The following TEX14 variants were observed in gnomAD, a reference collection of about 807,000 sequenced individuals.
TEX14 encodes testis expressed 14, intercellular bridge forming factor, also known as inactive serine/threonine-protein kinase TEX14.
TEX14 carries 168 observed loss-of-function variants against 178.6 expected under a neutral mutation model. The observed-to-expected ratio is 0.94, with a 90% CI of 0.83 to 1.07. The LOEUF (loss-of-function observed/expected upper bound fraction) is 1.07, where lower values mean the gene tolerates loss of function less well. Among genes scored for constraint, TEX14 ranks in the 50% least tolerant of loss-of-function variants. TEX14 has a pLI of 0.00. For missense variants in TEX14, 1,730 were observed against 1,753.6 expected, an observed-to-expected ratio of 0.99 and a Z score of 0.24; for synonymous variants, 626 against 634.1, an observed-to-expected ratio of 0.99 and a Z score of 0.19.
intron 30 of TEX14, 95 bp from the exon 31 acceptor site, chr17:58,557,945 T>C (rs1215914628): frequency 2.2e-6 from 2 of 892,964 alleles, no homozygotes; most frequent in East Asian, 2.5e-5. Context: ...TAATTTAGAG[T>C]AGACTGTTTT....
At chr17:58,558,117 T>C (rs1282169270) in intron 30 of TEX14, among the ~76,000 whole-genome samples, 1 of 152,202 alleles carries the variant, frequency 6.6e-6, no homozygotes, top group African/African-American at 2.4e-5. Flanking sequence ...TCAATACTAT[T>C]AATAGCTAAA....
rs548145767 is a variant in TEX14 at position 58,609,651 on chromosome 17, C to T, written c.1184+1510G>A. Among the ~76,000 whole-genome samples, 10 of 152,308 alleles carry T rather than the reference C, an allele frequency of 6.6e-5. No individual in the cohort carries two copies. In the South Asian group the frequency reaches 2.1e-3, roughly 32 times the overall value. Reference sequence around the variant, plus strand: ...TTCTTAAGATAAAATTCAGACTCCTCACCAGGGCCCACAAGGCCAAGCACA... The same window carrying T: ...TTCTTAAGATAAAATTCAGACTCCTTACCAGGGCCCACAAGGCCAAGCACA... On this transcript the variant is annotated intron_variant, in intron 10 of 31. Transcript: ENST00000349033.
At chr17:58,567,785 G>A (rs909066267) in intron 26 of TEX14, 2 of 152,188 alleles carry the variant, frequency 1.3e-5, no homozygotes, top group Non-Finnish European at 2.9e-5. Flanking sequence ...ATTCCCATAA[G>A]TGAAATGAGG....
At chr17:58,566,257 C>T (rs1182443591) in intron 26 of TEX14, among the ~76,000 whole-genome samples, 3 of 152,168 alleles carry the variant, frequency 2.0e-5, no homozygotes, top group Non-Finnish European at 4.4e-5. Flanking sequence ...CACAACAACC[C>T]TCTGAAATAG....
intron 28 of TEX14, among the ~76,000 whole-genome samples, chr17:58,563,658 T>TATATAG (rs1351647352): frequency 2.0e-3 from 35 of 17,434 alleles, no homozygotes; most frequent in African/African-American, 4.1e-3. Flanking sequence ...TATATATATA[T>TATATAG]AGAGAGAGAG....
In TEX14 at chr17:58,605,057, T is replaced by C. The variant is rs955761333; in HGVS notation, c.1257A>G (p.Pro419=). 4 of 1,614,236 alleles carry C rather than the reference T, an allele frequency of 2.5e-6. No individual in the cohort carries two copies. The highest frequency in any genetic ancestry group is 3.4e-6 in the Non-Finnish European group (4 of 1,180,038). Reference sequence around the variant, plus strand: ...TGGCTGCCTTCTGTAAGATCACTTCTGGTGCGGCCCAGTTGTATAGCTGCG... The same window carrying C: ...TGGCTGCCTTCTGTAAGATCACTTCCGGTGCGGCCCAGTTGTATAGCTGCG... ...LPTQLYNWAA[P]EVILQKAATV... is the part of the protein sequence containing the mutation. The change falls in exon 11 of 32, where the codon CCA becomes CCG. Residue 419 remains proline (P), a synonymous_variant. Transcript: ENST00000349033.
intron 1 of TEX14, among the ~76,000 whole-genome samples, chr17:58,670,301 C>G (rs992727110): frequency 3.9e-5 from 6 of 151,994 alleles, no homozygotes; most frequent in Non-Finnish European, 8.8e-5. Flanking sequence ...TAGCAAAGTA[C>G]CTGGCATGGA....
intron 1 of TEX14, among the ~76,000 whole-genome samples, chr17:58,678,753 A>G (rs964945264): frequency 1.3e-5 from 2 of 151,588 alleles, no homozygotes; most frequent in African/African-American, 4.8e-5. Flanking sequence ...CAGCAAACCA[A>G]CATGGCACAT....
intron 3 of TEX14, among the ~76,000 whole-genome samples, chr17:58,628,595 C>T (rs1198136592): frequency 2.0e-5 from 3 of 152,126 alleles, no homozygotes; most frequent in African/African-American, 7.2e-5. Context: ...GCTTGTAGTC[C>T]CAGCTACTAG....
Position 58,615,264 on chromosome 17 carries a change from G to A in TEX14, c.849C>T (p.Ala283=), listed in dbSNP as rs147681123. ...THPHCSRLRL[A]DLLIAEQEHS... ...GTTCCTGCTCGGCAATTAACAAGTC[G>A]GCCAGCCGCAGCCTGCTGCAGTGTG... is the stretch of plus-strand genomic sequence containing the variant. Residue 283 remains alanine (A), a synonymous_variant, in exon 8 of 32, where the codon GCC becomes GCT. Transcript: ENST00000349033. 2,495 of 1,613,488 alleles carry A rather than the reference G, an allele frequency of 1.5e-3. 52 individuals are homozygous for A. In the South Asian group the frequency reaches 0.022, roughly 14 times the overall value.
chr17:58,639,197 T>C (rs1210097465), intron 2 of TEX14, among the ~76,000 whole-genome samples: 1 of 151,568 alleles, frequency 6.6e-6, no homozygotes, highest in Non-Finnish European at 1.5e-5. Context: ...AACTCAGGAA[T>C]GGAAAATCAA....
chr17:58,645,798 G>T (rs563226169), intron 2 of TEX14, among the ~76,000 whole-genome samples: 2 of 152,254 alleles, frequency 1.3e-5, no homozygotes, highest in South Asian at 4.1e-4. Flanking sequence ...CGGTACCCAT[G>T]GGGAACTGGT....
intron 25 of TEX14, among the ~76,000 whole-genome samples, 158 bp downstream of exon 25, chr17:58,570,227 T>C (rs894289480): frequency 4.6e-5 from 7 of 152,212 alleles, no homozygotes; most frequent in Admixed American, 2.6e-4. Context: ...TAAGCTTTTA[T>C]TTATTCTCCA....
intron 15 of TEX14, among the ~76,000 whole-genome samples, chr17:58,592,236 A>ATT (rs34196233): frequency 8.7e-5 from 13 of 148,832 alleles, no homozygotes; most frequent in Non-Finnish European, 1.0e-4. Flanking sequence ...TATTTATTTA[A>ATT]TTTTTTTTTT....
intron 2 of TEX14, among the ~76,000 whole-genome samples, chr17:58,634,108 A>T (rs2046381762): frequency 6.6e-6 from 1 of 152,006 alleles, no homozygotes; most frequent in Non-Finnish European, 1.5e-5. Flanking sequence ...TCAAAGCCTG[A>T]GACATCTAGT....
chr17:58,563,485 C>T (rs2044312329), intron 28 of TEX14, among the ~76,000 whole-genome samples: 1 of 150,902 alleles, frequency 6.6e-6, no homozygotes. Context: ...ACAAATAACC[C>T]TATCAAAAAA....
intron 2 of TEX14, among the ~76,000 whole-genome samples, chr17:58,638,130 G>A (rs1463282574): frequency 2.0e-5 from 3 of 151,622 alleles, no homozygotes; most frequent in Non-Finnish European, 4.4e-5. Context: ...AGAAGTGCTG[G>A]GATTACAGGT....
intron 14 of TEX14, among the ~76,000 whole-genome samples, chr17:58,596,179 T>C (rs1052041741): frequency 6.6e-6 from 1 of 152,128 alleles, no homozygotes; most frequent in African/African-American, 2.4e-5. Context: ...CAAGATTCTG[T>C]CTTTAAAAAT....
At chr17:58,667,532 G>A (rs1313520425) in intron 1 of TEX14, among the ~76,000 whole-genome samples, 2 of 152,124 alleles carry the variant, frequency 1.3e-5, no homozygotes, top group Non-Finnish European at 2.9e-5. Flanking sequence ...TCCTCACAAC[G>A]TTGAGGTAGG....
Sources: gnomAD v4.1 joint callset for allele counts (sites outside exome capture counted in the v4.1 genomes callset) on GRCh38, gnomAD v4.1.1 for gene constraint, MANE v1.5 for transcripts, NCBI Gene and HGNC (gene_info 2026-07-23, HGNC 2026-07-21) for gene names.